NKAIN3: variants seen among roughly 807,000 people sequenced by gnomAD.
NKAIN3 encodes the protein sodium/potassium-transporting ATPase subunit beta-1-interacting protein 3.
In NKAIN3, 25 loss-of-function variants were observed where a neutral mutation model predicts 30.2. The observed-to-expected ratio is 0.83, with a 90% CI of 0.60 to 1.16. The LOEUF (loss-of-function observed/expected upper bound fraction) is 1.16, where lower values mean the gene tolerates loss of function less well. Among genes scored for constraint, NKAIN3 ranks in the 50% most tolerant of loss-of-function variants. The pLI is 0.00. For missense variants in NKAIN3, 225 were observed against 254.1 expected (o/e 0.89, Z 0.78); for synonymous variants, 91 against 89.6 (o/e 1.02, Z -0.09).
chr8:62,905,357 C>T (rs1821745360), intron 4 of NKAIN3, among the ~76,000 whole-genome samples: 1 of 152,096 alleles, frequency 6.6e-6, no homozygotes, highest in South Asian at 2.1e-4. Context: ...TATGCATTTG[C>T]ACCAGTGAAA....
intron 1 of NKAIN3, among the ~76,000 whole-genome samples, chr8:62,415,256 TATA>T (rs918640298): frequency 1.4e-5 from 2 of 143,710 alleles, no homozygotes; most frequent in East Asian, 2.0e-4. Context: ...ATATAATAAA[TATA>T]ATATACACTA....
intron 4 of NKAIN3, among the ~76,000 whole-genome samples, chr8:62,874,484 G>A (rs1459315815): frequency 6.6e-6 from 1 of 152,190 alleles, no homozygotes; most frequent in East Asian, 1.9e-4. Context: ...GTATCATGCT[G>A]ATACCAAAAC....
intron 1 of NKAIN3, among the ~76,000 whole-genome samples, chr8:62,486,418 A>G (rs969661523): frequency 6.6e-6 from 1 of 152,146 alleles, no homozygotes; most frequent in Admixed American, 6.5e-5. Flanking sequence ...TCAAAAAAAA[A>G]ATGTCTTTGT....
chr8:62,670,175 C>G (rs1813256325), intron 3 of NKAIN3, among the ~76,000 whole-genome samples: 1 of 152,132 alleles, frequency 6.6e-6, no homozygotes, highest in African/African-American at 2.4e-5. Context: ...CCATTTCTTG[C>G]TCACGGATTA....
At chr8:62,334,087 A>G (rs935186595) in intron 1 of NKAIN3, among the ~76,000 whole-genome samples, 2 of 152,132 alleles carry the variant, frequency 1.3e-5, no homozygotes, top group African/African-American at 4.8e-5. Context: ...GCTACTCAGT[A>G]TTAATCACAT....
intron 4 of NKAIN3, among the ~76,000 whole-genome samples, chr8:62,803,185 G>A (rs1335630498): frequency 2.6e-5 from 4 of 152,082 alleles, no homozygotes; most frequent in Admixed American, 1.3e-4. Flanking sequence ...ACACCCCACT[G>A]TCAACATTAG....
At position 62,312,529 on chromosome 8, in the gene NKAIN3, G is replaced by A. The variant is rs115729671; in HGVS notation, c.54+63402G>A. ...CTTTTACTTACACAATTTAAAAGGT[G>A]TGGTGGGGCCAGGTGCGATGGCTCA... On this transcript the variant is annotated intron_variant, in intron 1 of 6. Transcript: ENST00000623646. Among the ~76,000 whole-genome samples, 1,434 of 150,590 alleles carry A rather than the reference G, an allele frequency of 9.5e-3. 135 individuals are homozygous for A. Among genetic ancestry groups the A allele is most frequent in the African/African-American group, 0.034 (1,359 of 39,920 alleles).
Position 62,965,450 on chromosome 8 carries a change from C to T in NKAIN3, c.*43C>T, listed in dbSNP as rs551101457. 22 of 985,440 alleles carry T rather than the reference C, an allele frequency of 2.2e-5. No homozygotes were observed. The Admixed American group carries it at 4.3e-4, about 19-fold the overall frequency. 61.0% of individuals were successfully genotyped at this position (985,440 alleles called of 1,614,324 possible). A position where few individuals can be genotyped will look rare whatever the true frequency, so the allele number is the denominator to read the frequency against. ...ACTGCGCGCCTCGGTGGATCCGACC[C>T]GCCTGACATTCCTTCCAGAGGCTAG... On this transcript the variant is annotated 3_prime_UTR_variant, in exon 7 of 7. Coordinates refer to ENST00000623646, the MANE Select transcript of NKAIN3 (RefSeq NM_001304533.3).
chr8:62,709,398 A>G (rs927434846), intron 3 of NKAIN3, among the ~76,000 whole-genome samples: 1 of 151,944 alleles, frequency 6.6e-6, no homozygotes, highest in Non-Finnish European at 1.5e-5. Context: ...CAATCTCGCT[A>G]CTTGTTATTT....
At chr8:62,797,797 A>C (rs567926950) in intron 4 of NKAIN3, among the ~76,000 whole-genome samples, 1 of 152,284 alleles carries the variant, frequency 6.6e-6, no homozygotes, top group Non-Finnish European at 1.5e-5. Context: ...TAATTAGTTA[A>C]GATACGGTCA....
intron 4 of NKAIN3, among the ~76,000 whole-genome samples, chr8:62,867,099 GA>G (rs10562561): frequency 0.26 from 33,752 of 129,918 alleles, 3,767 homozygotes; most frequent in Non-Finnish European, 0.33. Flanking sequence ...TTTGTTTCCA[GA>G]AAAAAAAAAA....
At position 62,971,520 on chromosome 8, in the gene NKAIN3, C is replaced by G. The variant is rs1433222339; in HGVS notation, c.*6113C>G. On this transcript the variant is annotated 3_prime_UTR_variant, in exon 7 of 7. Transcript: ENST00000623646. ...TGGCGGTGTGTGCCTATAGTCCCAG[C>G]TACTTGGGAGGTTGAAGTAGGAGGG... 6.6e-6 allele frequency among the ~76,000 whole-genome samples: 1 copy of G among 151,828 alleles called. No homozygotes were observed. The highest frequency in any genetic ancestry group is 1.5e-5 in the Non-Finnish European group (1 of 67,980).
intron 5 of NKAIN3, among the ~76,000 whole-genome samples, chr8:62,922,597 T>C (rs35331574): frequency 2.6e-5 from 4 of 152,026 alleles, no homozygotes; most frequent in African/African-American, 9.7e-5. Flanking sequence ...CATTTGAAGG[T>C]GAGAGCAGAG....
At chr8:62,769,160 G>GT (rs1319174691) in intron 4 of NKAIN3, among the ~76,000 whole-genome samples, 9 of 152,048 alleles carry the variant, frequency 5.9e-5, no homozygotes, top group African/African-American at 2.2e-4. Context: ...TCAAACAAAA[G>GT]TTTTTTCTGA....
At chr8:62,633,285 A>T (rs959239003) in intron 3 of NKAIN3, among the ~76,000 whole-genome samples, 6 of 152,054 alleles carry the variant, frequency 3.9e-5, no homozygotes, top group Non-Finnish European at 8.8e-5. Context: ...CCCTCACCTT[A>T]TTTTCCATAT....
intron 3 of NKAIN3, among the ~76,000 whole-genome samples, chr8:62,734,123 G>A (rs1164162509): frequency 6.6e-6 from 1 of 152,154 alleles, no homozygotes; most frequent in East Asian, 1.9e-4. Flanking sequence ...CTCTAAAAAA[G>A]CCTTGAAAAA....
chr8:62,971,725 A>G lies in NKAIN3; in HGVS notation c.*6318A>G, dbSNP rs1259459686. Reference sequence around the variant, plus strand: ...AGTTTCAATCACACAGTTCAAACTAATTGACATGATTTCTTGGAACAGTGT... The same window carrying G: ...AGTTTCAATCACACAGTTCAAACTAGTTGACATGATTTCTTGGAACAGTGT... On this transcript the variant is annotated 3_prime_UTR_variant, in exon 7 of 7. Coordinates refer to ENST00000623646, the MANE Select transcript of NKAIN3 (RefSeq NM_001304533.3). Among the ~76,000 whole-genome samples the G allele has an allele frequency of 2.6e-5, 4 of 152,212 alleles. No homozygotes were observed. The highest frequency in any genetic ancestry group is 4.4e-5 in the Non-Finnish European group (3 of 68,048).
chr8:62,267,550 A>T (rs1175188891), intron 1 of NKAIN3, among the ~76,000 whole-genome samples: 1 of 152,206 alleles, frequency 6.6e-6, no homozygotes, highest in Non-Finnish European at 1.5e-5. Context: ...CTTTTTAGTT[A>T]ACCTTTTACT....
At chr8:62,467,023 C>G (rs1292588464) in intron 1 of NKAIN3, among the ~76,000 whole-genome samples, 1 of 152,138 alleles carries the variant, frequency 6.6e-6, no homozygotes. Context: ...GGCTACAGTG[C>G]TCTATAGGAC....
Sources: gnomAD v4.1 joint callset for allele counts (sites outside exome capture counted in the v4.1 genomes callset) on GRCh38, gnomAD v4.1.1 for gene constraint, MANE v1.5 for transcripts, NCBI Gene and HGNC (gene_info 2026-07-23, HGNC 2026-07-21) for gene names.